PPP2R3B: variants seen among roughly 807,000 people sequenced by gnomAD.
PPP2R3B encodes serine/threonine-protein phosphatase 2A regulatory subunit B'' subunit beta.
In PPP2R3B, 68 loss-of-function variants were observed where a neutral mutation model predicts 72.9. That is an observed-to-expected ratio of 0.93 (90% CI 0.77 to 1.14). PPP2R3B has a LOEUF of 1.14. PPP2R3B is among the 50% of genes most tolerant of loss of function. The pLI is 0.00. For synonymous variants in PPP2R3B, 466 were observed against 375.8 expected (o/e 1.24, Z -2.78); for missense variants, 1,018 against 842.0 (o/e 1.21, Z -2.59).
chrX:382,143 G>C (rs989389094), intron 1 of PPP2R3B, among the ~76,000 whole-genome samples: 1 of 151,442 alleles, frequency 6.6e-6, no homozygotes, highest in East Asian at 1.9e-4. Flanking sequence ...CTGCTTCTCC[G>C]GTCAGACCAC....
intron 12 of PPP2R3B, chrX:335,739 TCA>T (rs1302891044): frequency 2.0e-5 from 3 of 152,148 alleles, no homozygotes; most frequent in African/African-American, 7.2e-5. Flanking sequence ...GCCTCACTGA[TCA>T]CACACAAAGT....
Position 386,503 on chromosome X carries a change from G to A in PPP2R3B, c.189C>T (p.Leu63=), listed in dbSNP as rs1203519522. ...EQPGAWPTAP[L]AAPRPSGLEP... Reference sequence around the variant, plus strand: ...CGAGCCCGCTGGGCCGGGGGGCGGCGAGCGGGGCTGTGGGCCAGGCCCCGG... The same window carrying A: ...CGAGCCCGCTGGGCCGGGGGGCGGCAAGCGGGGCTGTGGGCCAGGCCCCGG... Residue 63 remains leucine (L), a synonymous_variant, in exon 1 of 13, where the codon CTC becomes CTT. Coordinates refer to ENST00000390665, the MANE Select transcript of PPP2R3B (RefSeq NM_013239.5). 5.4e-6 allele frequency: 7 copies of A among 1,303,644 alleles called. No homozygotes were observed. The Middle Eastern group carries it at 8.7e-4, about 163-fold the overall frequency. The allele number at this position is 1,303,644 out of a possible 1,614,324, so 80.8% of individuals were successfully genotyped here. A position where few individuals can be genotyped will look rare whatever the true frequency, so the allele number is the denominator to read the frequency against.
rs1459434919 is a variant in PPP2R3B at position 346,156 on chromosome X, CA to C, written c.879+17del. 6.6e-7 allele frequency: 1 copy of C among 1,516,542 alleles called. No homozygotes were observed. The allele number at this position is 1,516,542 out of a possible 1,614,324, so 93.9% of individuals were successfully genotyped here. ...TAGGGACAAGGCAGGGGGCAGGGGA[CA>C]GGGGGCCGCTCCGCACCTGCAGGAA... On this transcript the variant is annotated intron_variant, in intron 6 of 12. Transcript: ENST00000390665.
intron 11 of PPP2R3B, 24 bp downstream of exon 11, chrX:338,753 CG>C (rs1569375299): frequency 6.2e-7 from 1 of 1,611,842 alleles, no homozygotes; most frequent in South Asian, 1.1e-5. Flanking sequence ...TGGCGCGGCC[CG>C]GCCCGCGTGC....
intron 1 of PPP2R3B, among the ~76,000 whole-genome samples, chrX:366,893 T>TAGAG (rs1249794584): frequency 1.3e-5 from 2 of 150,444 alleles, no homozygotes; most frequent in Non-Finnish European, 2.9e-5. Flanking sequence ...CCAGGTGTGG[T>TAGAG]GGCGCATGCC....
At chrX:363,707 T>TCCCCGAGCCCACGA (rs1423015774) in intron 1 of PPP2R3B, among the ~76,000 whole-genome samples, 12 of 152,122 alleles carry the variant, frequency 7.9e-5, no homozygotes, top group South Asian at 2.1e-4. Flanking sequence ...ACAGTGCATC[T>TCCCCGAGCCCACGA]TCCCGAGCCC....
At chrX:357,955 G>T (rs2071468463) in intron 2 of PPP2R3B, among the ~76,000 whole-genome samples, 1 of 152,138 alleles carries the variant, frequency 6.6e-6, no homozygotes, top group African/African-American at 2.4e-5. Flanking sequence ...GCACGGCCAC[G>T]GCTAAGATCC....
intron 1 of PPP2R3B, among the ~76,000 whole-genome samples, chrX:363,569 A>T (rs773779167): frequency 1.6e-4 from 18 of 113,258 alleles, no homozygotes; most frequent in Admixed American, 1.2e-3. Context: ...CATCTCCATG[A>T]GTCCACGATC....
intron 1 of PPP2R3B, among the ~76,000 whole-genome samples, chrX:364,481 C>T (rs1416727200): frequency 1.9e-5 from 2 of 107,754 alleles, no homozygotes; most frequent in African/African-American, 3.6e-5. Context: ...CCAGCCTGGG[C>T]AACATGGCAA....
At chrX:356,109 C>G (rs1226419266) in intron 2 of PPP2R3B, among the ~76,000 whole-genome samples, 2 of 152,242 alleles carry the variant, frequency 1.3e-5, no homozygotes, top group South Asian at 2.1e-4. Context: ...CGCCTGCACA[C>G]GCACAGAACG....
At chrX:375,185 T>C (rs1456973152) in intron 1 of PPP2R3B, among the ~76,000 whole-genome samples, 1 of 152,166 alleles carries the variant, frequency 6.6e-6, no homozygotes, top group African/African-American at 2.4e-5. Context: ...CTTACTGTCC[T>C]TGAGGATTCA....
At chrX:339,390 C>T (rs2070992677) in intron 10 of PPP2R3B, among the ~76,000 whole-genome samples, 1 of 80,728 alleles carries the variant, frequency 1.2e-5, no homozygotes, top group East Asian at 3.6e-4. Flanking sequence ...GTGGGGCTCC[C>T]CTTTGCCTTA....
At chrX:378,810 G>A (rs2072054208) in intron 1 of PPP2R3B, among the ~76,000 whole-genome samples, 1 of 152,178 alleles carries the variant, frequency 6.6e-6, no homozygotes, top group Non-Finnish European at 1.5e-5. Context: ...CTATGAAAAC[G>A]TGAATAGGTC....
intron 1 of PPP2R3B, among the ~76,000 whole-genome samples, chrX:366,894 GGC>G (rs2124293354): frequency 6.6e-6 from 1 of 150,914 alleles, no homozygotes; most frequent in African/African-American, 2.5e-5. Context: ...CAGGTGTGGT[GGC>G]GCATGCCTGT....
At position 346,239 on chromosome X, in the gene PPP2R3B, C is replaced by A; in HGVS notation, c.814G>T (p.Ala272Ser). ...CTGCCGGACCAGGACCGGTTCACGG[C>A]GTAGAAGATCCGCTGGATGACCTGC... ...ITTVIQRIFYAVNRSWSGRIT... is the reference protein window; with the variant it reads ...ITTVIQRIFYSVNRSWSGRIT... The change falls in exon 6 of 13, where the codon GCC becomes TCC. Residue 272 changes from alanine (A) to serine (S), a missense_variant. Transcript: ENST00000390665. 1 of 1,571,342 alleles carries A rather than the reference C, an allele frequency of 6.4e-7. No individual in the cohort carries two copies. Among genetic ancestry groups the A allele is most frequent in the Non-Finnish European group, 8.6e-7 (1 of 1,160,086 alleles).
intron 2 of PPP2R3B, among the ~76,000 whole-genome samples, chrX:358,413 G>C (rs747143859): frequency 1.1e-5 from 1 of 91,948 alleles, no homozygotes; most frequent in African/African-American, 3.3e-5. Context: ...CATGCTCTCC[G>C]CCTGCAGGGC....
chrX:345,774 G>T, intron 6 of PPP2R3B, 102 bp from the exon 7 acceptor site: 2 of 1,117,060 alleles, frequency 1.8e-6, no homozygotes, highest in South Asian at 1.4e-5. Flanking sequence ...GGTCGGGGCC[G>T]CTCCGTGGGT....
At chrX:382,143 G>A (rs989389094) in intron 1 of PPP2R3B, among the ~76,000 whole-genome samples, 3 of 151,512 alleles carry the variant, frequency 2.0e-5, no homozygotes, top group Non-Finnish European at 4.4e-5. Flanking sequence ...CTGCTTCTCC[G>A]GTCAGACCAC....
chrX:345,173 G>T (rs1181654294), intron 7 of PPP2R3B: 2 of 553,412 alleles, frequency 3.6e-6, no homozygotes, highest in South Asian at 3.1e-5. Context: ...GAGCTCCTGA[G>T]GGAAGGCGTG....
Sources: allele counts gnomAD v4.1 joint callset (sites outside exome capture counted in the v4.1 genomes callset), GRCh38; gene constraint gnomAD v4.1.1; transcripts MANE v1.5; gene names NCBI Gene and HGNC (gene_info 2026-07-23, HGNC 2026-07-21).